KCNIP4: variants seen among roughly 807,000 people sequenced by gnomAD.
KCNIP4 encodes potassium voltage-gated channel interacting protein 4, also known as Kv channel-interacting protein 4.
In KCNIP4, 12 loss-of-function variants were observed where a neutral mutation model predicts 34.0. That is an observed-to-expected ratio of 0.35 (90% CI 0.23 to 0.57). The LOEUF is 0.57. KCNIP4 is among the 20% of genes least tolerant of loss of function. The pLI is 0.83. For missense variants in KCNIP4, 238 were observed against 311.7 expected (o/e 0.76, Z 1.78); for synonymous variants, 124 against 102.2 (o/e 1.21, Z -1.29).
chr4:21,332,354 T>A (rs572533975), intron 1 of KCNIP4, among the ~76,000 whole-genome samples: 1 of 152,130 alleles, frequency 6.6e-6, no homozygotes, highest in East Asian at 1.9e-4. Flanking sequence ...CCCATTACTA[T>A]TTTTATGGTG....
intron 1 of KCNIP4, among the ~76,000 whole-genome samples, chr4:21,905,329 C>T (rs1727934509): frequency 6.6e-6 from 1 of 152,152 alleles, no homozygotes; most frequent in Admixed American, 6.5e-5. Flanking sequence ...AATAGCTCAA[C>T]TCTGCATTGA....
chr4:21,542,234 A>T (rs547919169), intron 1 of KCNIP4, among the ~76,000 whole-genome samples: 7 of 152,268 alleles, frequency 4.6e-5, no homozygotes, highest in African/African-American at 1.7e-4. Flanking sequence ...TTCAAAGGCG[A>T]CCCAAAAGTG....
At chr4:21,667,973 C>T (rs186054588) in intron 1 of KCNIP4, among the ~76,000 whole-genome samples, 2 of 152,266 alleles carry the variant, frequency 1.3e-5, no homozygotes, top group Admixed American at 6.5e-5. Context: ...TAGTATCTCA[C>T]TCCAATCAAT....
chr4:21,578,432 T>TTGCTTGTTTCCAGAC (rs1203856003), intron 1 of KCNIP4, among the ~76,000 whole-genome samples: 3 of 152,016 alleles, frequency 2.0e-5, no homozygotes, highest in Admixed American at 6.6e-5. Flanking sequence ...GCCCAGTTTT[T>TTGCTTGTTTCCAGAC]ATATGCTCAG....
chr4:21,025,408 T>C (rs1278849171), intron 1 of KCNIP4, among the ~76,000 whole-genome samples: 4 of 147,802 alleles, frequency 2.7e-5, no homozygotes, highest in Admixed American at 2.7e-4. Flanking sequence ...GCAAGTGACT[T>C]AGAGAGACAA....
intron 1 of KCNIP4, among the ~76,000 whole-genome samples, chr4:21,738,290 CAT>C (rs1716151451): frequency 1.3e-5 from 2 of 151,900 alleles, no homozygotes; most frequent in African/African-American, 2.4e-5. Context: ...TCAAATAAAA[CAT>C]GTGAGACAAG....
chr4:21,470,896 A>C (rs988444973), intron 1 of KCNIP4, among the ~76,000 whole-genome samples: 1 of 152,148 alleles, frequency 6.6e-6, no homozygotes, highest in African/African-American at 2.4e-5. Context: ...CTGCATCAGC[A>C]GTTAGTTTGG....
At chr4:21,485,510 T>G (rs1731823254) in intron 1 of KCNIP4, among the ~76,000 whole-genome samples, 1 of 152,186 alleles carries the variant, frequency 6.6e-6, no homozygotes, top group Non-Finnish European at 1.5e-5. Flanking sequence ...CAATCTCAAC[T>G]CTTTAAATCA....
At chr4:21,919,353 G>C (rs1235689235) in intron 1 of KCNIP4, among the ~76,000 whole-genome samples, 1 of 152,142 alleles carries the variant, frequency 6.6e-6, no homozygotes, top group East Asian at 1.9e-4. Flanking sequence ...AGAGATCTTG[G>C]ATTCGAAGAT....
intron 2 of KCNIP4, among the ~76,000 whole-genome samples, chr4:20,851,902 C>G (rs554919560): frequency 4.6e-5 from 7 of 152,114 alleles, no homozygotes; most frequent in Non-Finnish European, 1.0e-4. Flanking sequence ...TTTTGCACAG[C>G]TACTTGGGAG....
chr4:21,802,916 A>G (rs1485998735), intron 1 of KCNIP4, among the ~76,000 whole-genome samples: 2 of 152,096 alleles, frequency 1.3e-5, no homozygotes, highest in African/African-American at 2.4e-5. Context: ...TGATCCTGGA[A>G]TTTTTTTAAA....
rs537351248 is a variant in KCNIP4 at position 21,892,970 on chromosome 4, C to A, written c.61+55601G>T. 9.9e-4 allele frequency among the ~76,000 whole-genome samples: 151 copies of A among 152,176 alleles called. 1 individual carries two copies. The highest frequency in any genetic ancestry group is 3.5e-3 in the African/African-American group (145 of 41,516). On this transcript the variant is annotated intron_variant, in intron 1 of 8. Transcript: ENST00000382152. ...TGATTTAGAAAATATCTTCTTATTT[C>A]AAAAGTTAATACCCCATTTCGGTTT...
At chr4:21,814,208 T>C (rs1400184578) in intron 1 of KCNIP4, among the ~76,000 whole-genome samples, 1 of 152,172 alleles carries the variant, frequency 6.6e-6, no homozygotes, top group Admixed American at 6.5e-5. Context: ...TGAAATACCA[T>C]TGATCTAAAT....
At chr4:20,842,781 G>T (rs1248135758) in intron 3 of KCNIP4, among the ~76,000 whole-genome samples, 1 of 152,114 alleles carries the variant, frequency 6.6e-6, no homozygotes, top group African/African-American at 2.4e-5. Flanking sequence ...CGTGTGAGAG[G>T]CAGGGCAGTG....
rs536893104 is a variant in KCNIP4 at position 21,590,940 on chromosome 4, A to G, written c.61+357631T>C. ...TAATCTGCTGAATATTTCTCAGTGC[A>G]GAACCACTACGTCTATGTATTAATA... is the stretch of plus-strand genomic sequence containing the variant. On this transcript the variant is annotated intron_variant, in intron 1 of 8. Coordinates refer to ENST00000382152, the MANE Select transcript of KCNIP4 (RefSeq NM_025221.6). Among the ~76,000 whole-genome samples the G allele has an allele frequency of 1.4e-4, 21 of 152,182 alleles. 1 individual carries two copies. The South Asian group carries it at 4.3e-3, about 32-fold the overall frequency.
At chr4:21,813,950 A>C (rs1409206565) in intron 1 of KCNIP4, among the ~76,000 whole-genome samples, 1 of 152,156 alleles carries the variant, frequency 6.6e-6, no homozygotes, top group Non-Finnish European at 1.5e-5. Flanking sequence ...TGATACCAAA[A>C]GTACCTGTCA....
chr4:20,794,833 C>T (rs1713245688), intron 3 of KCNIP4, among the ~76,000 whole-genome samples: 1 of 152,210 alleles, frequency 6.6e-6, no homozygotes, highest in Non-Finnish European at 1.5e-5. Flanking sequence ...ACAACACTGA[C>T]CTGCACATTC....
rs981876860 is a variant in KCNIP4, at chr4:21,396,373, T to C, written c.62-513664A>G. ...GAGTTTGAGACCAGCCTGGCCAAGA[T>C]GGTGAAACTCTGTCTCTACTAAAAA... On this transcript the variant is annotated intron_variant, in intron 1 of 8. Transcript: ENST00000382152. 5.9e-5 allele frequency among the ~76,000 whole-genome samples: 9 copies of C among 151,692 alleles called. No homozygotes were observed. The East Asian group carries it at 1.8e-3, about 30-fold the overall frequency.
intron 1 of KCNIP4, among the ~76,000 whole-genome samples, chr4:21,505,023 C>T (rs1733713226): frequency 1.3e-5 from 2 of 152,116 alleles, no homozygotes; most frequent in Non-Finnish European, 2.9e-5. Context: ...AAAGTAATTG[C>T]TCTAGACATT....
Sources: gnomAD v4.1 joint callset for allele counts (sites outside exome capture counted in the v4.1 genomes callset) on GRCh38, gnomAD v4.1.1 for gene constraint, MANE v1.5 for transcripts, NCBI Gene and HGNC (gene_info 2026-07-23, HGNC 2026-07-21) for gene names.